Variants in AGL observed in about 807,000 individuals in gnomAD.
AGL encodes the protein glycogen debranching enzyme.
AGL carries 128 observed loss-of-function variants against 199.3 expected under a neutral mutation model. The ratio of observed to expected loss-of-function variants is 0.64; its 90% CI spans 0.56 to 0.74. The LOEUF is 0.74. Among genes scored for constraint, AGL ranks in the 30% least tolerant of loss-of-function variants. AGL has a pLI of 0.00. For missense variants in AGL, 1,809 were observed against 1,820.8 expected (o/e 0.99, Z 0.12); for synonymous variants, 584 against 594.7 (o/e 0.98, Z 0.26).
Position 99,921,945 on chromosome 1 carries a change from T to C in AGL, c.*294T>C, listed in dbSNP as rs561740573. 5 of 226,896 alleles carry C rather than the reference T, an allele frequency of 2.2e-5. No homozygotes were observed. Among genetic ancestry groups the C allele is most frequent in the Middle Eastern group, 1.5e-3 (1 of 646 alleles). 14.1% of individuals were successfully genotyped at this position (226,896 alleles called of 1,614,324 possible). A position where few individuals can be genotyped will look rare whatever the true frequency, so the allele number is the denominator to read the frequency against. On this transcript the variant is annotated 3_prime_UTR_variant, in exon 34 of 34. Coordinates refer to ENST00000361915, the MANE Select transcript of AGL (RefSeq NM_000642.3). ...AAAGAAAAATCATGTCATCTTCTAT[T>C]TGTACAGAAATGAAAATAAAATATG...
chr1:99,876,028 C>T (rs1651500946), intron 10 of AGL, among the ~76,000 whole-genome samples: 1 of 152,148 alleles, frequency 6.6e-6, no homozygotes, highest in South Asian at 2.1e-4. Flanking sequence ...AGGTGCACCA[C>T]CATGCCCAGC....
rs753015481 is a variant in AGL at position 99,880,680 on chromosome 1, G to A, written c.1784G>A (p.Arg595Gln). Residue 595 changes from arginine to glutamine, a missense_variant, in exon 14 of 34, where the codon CGA becomes CAA. By Grantham distance (43) the Arg-to-Gln change is conservative. Transcript: ENST00000361915. ...NSHEEGRLVYRYGGEPVGSFV... is the reference protein window; with the variant it reads ...NSHEEGRLVYQYGGEPVGSFV... ...CATGAAGAGGGCAGATTAGTTTACCGATATGGAGGAGAACCTGTTGGATCC... is the reference window on the plus strand; with the variant it reads ...CATGAAGAGGGCAGATTAGTTTACCAATATGGAGGAGAACCTGTTGGATCC... The A allele has an allele frequency of 1.9e-6, 3 of 1,614,044 alleles. No individual in the cohort carries two copies. The highest frequency in any genetic ancestry group is 1.7e-6 in the Non-Finnish European group (2 of 1,179,936).
chr1:99,904,450 CAACTTTT>C (rs1654098651), intron 27 of AGL, among the ~76,000 whole-genome samples: 1 of 152,134 alleles, frequency 6.6e-6, no homozygotes, highest in African/African-American at 2.4e-5. Flanking sequence ...AGTATGTTTT[CAACTTTT>C]AAAAGTTTTT....
chr1:99,861,503 G>T lies in AGL; in HGVS notation c.83G>T (p.Gly28Val). The change falls in exon 3 of 34, where the codon GGG (glycine) becomes GTG (valine). Residue 28 changes from glycine (G) to valine (V), a missense_variant and splice_region_variant. Coordinates refer to ENST00000361915, the MANE Select transcript of AGL (RefSeq NM_000642.3). ...TTATTAACATGTGCTTTTTATTTAG[G>T]GTATGAGCTACAGTTCCGATTAGGC... ...LEKTLFRLEQ[G>V]YELQFRLGPT... The T allele has an allele frequency of 6.2e-7, 1 of 1,613,624 alleles. No homozygotes were observed. Among genetic ancestry groups the T allele is most frequent in the Non-Finnish European group, 8.5e-7 (1 of 1,179,768 alleles).
intron 24 of AGL, among the ~76,000 whole-genome samples, chr1:99,894,365 T>G (rs1653144833): frequency 6.6e-6 from 1 of 152,182 alleles, no homozygotes; most frequent in Non-Finnish European, 1.5e-5. Flanking sequence ...CCGCATATAT[T>G]TTTGGATATA....
At chr1:99,891,859 T>A in intron 23 of AGL, 120 bp downstream of exon 23, 1 of 1,149,052 alleles carries the variant, frequency 8.7e-7, no homozygotes, top group Non-Finnish European at 1.3e-6. Flanking sequence ...TGAAAAGGCT[T>A]GTAGGTGGAT....
At chr1:99,880,851 TCTC>T in intron 14 of AGL, 56 bp downstream of exon 14, 1 of 1,573,612 alleles carries the variant, frequency 6.4e-7, no homozygotes, top group Non-Finnish European at 8.7e-7. Context: ...GATATTTAAC[TCTC>T]TGACACTTGG....
intron 21 of AGL, among the ~76,000 whole-genome samples, chr1:99,888,548 G>A (rs1652634811): frequency 6.6e-6 from 1 of 152,074 alleles, no homozygotes; most frequent in South Asian, 2.1e-4. Context: ...GGATTAGGTT[G>A]TAAATATAAT....
chr1:99,878,586 A>G (rs1367729914), intron 12 of AGL, among the ~76,000 whole-genome samples: 1 of 152,002 alleles, frequency 6.6e-6, no homozygotes, highest in Non-Finnish European at 1.5e-5. Context: ...TCCTGCTTAT[A>G]AGTTTTTTTT....
chr1:99,866,800 T>TTTTCTTTCTTTC (rs58319897), intron 5 of AGL, among the ~76,000 whole-genome samples: 40,592 of 151,008 alleles, frequency 0.27, 7,178 homozygotes, highest in African/African-American at 0.51. Context: ...ACAAGTTTTC[T>TTTTCTTTCTTTC]TTTATTTATT....
chr1:99,853,914 G>A (rs1649190101), intron 2 of AGL, among the ~76,000 whole-genome samples: 1 of 149,874 alleles, frequency 6.7e-6, no homozygotes, highest in African/African-American at 2.5e-5. Context: ...AAAGGGCCGG[G>A]CGCAGTGGCT....
chr1:99,874,137 G>A (rs886579393), intron 7 of AGL, among the ~76,000 whole-genome samples: 4 of 151,912 alleles, frequency 2.6e-5, no homozygotes, highest in Admixed American at 6.6e-5. Context: ...AGAAAGTCAG[G>A]TTGTTAATAA....
intron 4 of AGL, among the ~76,000 whole-genome samples, chr1:99,862,701 A>G (rs1650156533): frequency 6.6e-6 from 1 of 152,110 alleles, no homozygotes; most frequent in Non-Finnish European, 1.5e-5. Flanking sequence ...AAGAGAACAA[A>G]GTGGGAGGTG....
chr1:99,910,886 CTTT>C, intron 28 of AGL, 39 bp downstream of exon 28: 1 of 1,593,854 alleles, frequency 6.3e-7, no homozygotes, highest in Non-Finnish European at 8.6e-7. Flanking sequence ...TTATACCCTT[CTTT>C]AAGAAAGCAC....
intron 2 of AGL, chr1:99,861,171 A>T: frequency 8.5e-7 from 1 of 1,182,708 alleles, no homozygotes. Flanking sequence ...TTGGGTACTT[A>T]ATTCAGGGGT....
At position 99,915,401 on chromosome 1, in the gene AGL, T is replaced by C. The variant is rs1655040195; in HGVS notation, c.4174T>C (p.Phe1392Leu). 6.2e-7 allele frequency: 1 copy of C among 1,613,856 alleles called. No homozygotes were observed. The highest frequency in any genetic ancestry group is 8.5e-7 in the Non-Finnish European group (1 of 1,179,954). ...TGGCATTCACTAGGCCCCTGAGCTC[T>C]TTACTACAGAAAAAGCATGGAAAGC... ...TIAMVVAPEL[F>L]TTEKAWKALE... Residue 1392 changes from phenylalanine (F) to leucine (L), a missense_variant, in exon 31 of 34, where the codon TTT (phenylalanine) becomes CTT (leucine). Phe to Leu is a conservative substitution (Grantham distance 22). Coordinates refer to ENST00000361915, the MANE Select transcript of AGL (RefSeq NM_000642.3).
In AGL at chr1:99,891,668, A is replaced by C; in HGVS notation, c.3012A>C (p.Pro1004=). Reference sequence around the variant, plus strand: ...AGCAGATCCCACGTTACCTTATCCCATGTTACTTTGATGCTATATTAATTG... The same window carrying C: ...AGCAGATCCCACGTTACCTTATCCCCTGTTACTTTGATGCTATATTAATTG... The part of the protein sequence containing the change: ...YLKQIPRYLI[P]CYFDAILIGA... The change falls in exon 23 of 34, where the codon CCA becomes CCC. Residue 1004 remains proline (P), a synonymous_variant. Transcript: ENST00000361915. The C allele has an allele frequency of 6.2e-7, 1 of 1,613,566 alleles. No homozygotes were observed.
intron 27 of AGL, among the ~76,000 whole-genome samples, chr1:99,906,301 A>G (rs1238632438): frequency 6.6e-6 from 1 of 152,218 alleles, no homozygotes; most frequent in Non-Finnish European, 1.5e-5. Context: ...AGAGTTGTAC[A>G]TACTTAGCAT....
intron 2 of AGL, among the ~76,000 whole-genome samples, chr1:99,859,758 T>A (rs940999510): frequency 7.2e-5 from 11 of 152,174 alleles, no homozygotes; most frequent in Admixed American, 7.2e-4. Context: ...GTCAGGCTGG[T>A]CTCAAACTTC....
Sources: allele counts gnomAD v4.1 joint callset (sites outside exome capture counted in the v4.1 genomes callset), GRCh38; gene constraint gnomAD v4.1.1; transcripts MANE v1.5; gene names NCBI Gene and HGNC (gene_info 2026-07-23, HGNC 2026-07-21).